BMPER: variants seen among roughly 807,000 people sequenced by gnomAD.
The protein encoded by BMPER is BMP binding endothelial regulator, also known as BMP-binding endothelial regulator protein.
BMPER carries 45 observed loss-of-function variants against 87.3 expected under a neutral mutation model. The observed-to-expected ratio is 0.52, with a 90% confidence interval of 0.41 to 0.66. The LOEUF (loss-of-function observed/expected upper bound fraction) is 0.66, where lower values mean the gene tolerates loss of function less well. Among genes scored for constraint, BMPER ranks in the 30% least tolerant of loss-of-function variants. The probability of loss-of-function intolerance (pLI) is 0.00; values close to 1 mark genes in which losing one functional copy is unlikely to be tolerated. For synonymous variants in BMPER, 326 were observed against 316.2 expected (o/e 1.03, Z -0.33); for missense variants, 784 against 867.5 (o/e 0.90, Z 1.21).
rs145355865 is a variant in BMPER, at chr7:33,937,032, C to T, written c.220-257C>T. ...GGGAGAGAACTTCTCCCTTGGCAAT[C>T]GGTTATCTAGGTGAAGCTGGCTTTG... On this transcript the variant is annotated intron_variant, in intron 2 of 14. Coordinates refer to ENST00000649409, the MANE Select transcript of BMPER (RefSeq NM_001365308.1). 3.3e-5 allele frequency among the ~76,000 whole-genome samples: 5 copies of T among 152,298 alleles called. No homozygotes were observed. The East Asian group carries it at 7.7e-4, about 24-fold the overall frequency.
At chr7:34,120,911 G>C (rs4720151) in intron 13 of BMPER, among the ~76,000 whole-genome samples, 1 of 151,830 alleles carries the variant, frequency 6.6e-6, no homozygotes, top group Non-Finnish European at 1.5e-5. Flanking sequence ...GTAAAATTCA[G>C]AATATCAAGG....
intron 11 of BMPER, among the ~76,000 whole-genome samples, chr7:34,068,882 A>G (rs1788663984): frequency 6.6e-6 from 1 of 152,194 alleles, no homozygotes; most frequent in African/African-American, 2.4e-5. Context: ...CAGCAGTACT[A>G]ACTGAATGAG....
In BMPER at chr7:34,125,751, T is replaced by C. The variant is rs187678443; in HGVS notation, c.1746-17479T>C. Among the ~76,000 whole-genome samples the C allele has an allele frequency of 3.3e-3, 510 of 152,324 alleles. 4 individuals carry two copies. The highest frequency in any genetic ancestry group is 0.012 in the African/African-American group (486 of 41,572). On this transcript the variant is annotated intron_variant, in intron 13 of 14. Coordinates refer to ENST00000649409, the MANE Select transcript of BMPER (RefSeq NM_001365308.1). Reference sequence around the variant, plus strand: ...CTTTGCAAGGCCCCAAGACATGTGTTGAATTATTCATTCAATATTCATTCA... The same window carrying C: ...CTTTGCAAGGCCCCAAGACATGTGTCGAATTATTCATTCAATATTCATTCA...
intron 3 of BMPER, among the ~76,000 whole-genome samples, chr7:33,940,224 T>A (rs1425442581): frequency 2.6e-5 from 4 of 152,230 alleles, no homozygotes; most frequent in African/African-American, 9.6e-5. Context: ...ATTGCATTAT[T>A]TATATTTTTT....
At chr7:34,011,608 A>AG (rs1350721825) in intron 6 of BMPER, among the ~76,000 whole-genome samples, 5 of 150,842 alleles carry the variant, frequency 3.3e-5, no homozygotes, top group Admixed American at 2.0e-4. Flanking sequence ...AAAAAAAGAA[A>AG]AAAAAAGAAA....
intron 7 of BMPER, 25 bp from the exon 8 acceptor site, chr7:34,051,836 A>C: frequency 1.3e-6 from 2 of 1,568,062 alleles, no homozygotes; most frequent in Non-Finnish European, 8.8e-7. Flanking sequence ...TGTCTTACTT[A>C]CACTGTGCTT....
chr7:34,016,262 C>T (rs993276499), intron 6 of BMPER, among the ~76,000 whole-genome samples: 7 of 151,896 alleles, frequency 4.6e-5, no homozygotes, highest in East Asian at 1.9e-4. Flanking sequence ...TCCTTTGATC[C>T]GTAGTAACTA....
At chr7:33,925,315 G>A (rs144169677) in intron 2 of BMPER, among the ~76,000 whole-genome samples, 2 of 152,028 alleles carry the variant, frequency 1.3e-5, no homozygotes, top group African/African-American at 2.4e-5. Context: ...TTGCTTTTTC[G>A]GTCATGATGA....
At chr7:33,989,933 C>T (rs992409385) in intron 6 of BMPER, among the ~76,000 whole-genome samples, 78 of 152,048 alleles carry the variant, frequency 5.1e-4, no homozygotes, top group South Asian at 4.2e-4. Context: ...TGTAGATATG[C>T]GGCGTTATTT....
intron 6 of BMPER, among the ~76,000 whole-genome samples, chr7:34,005,203 T>C (rs1786692308): frequency 6.6e-6 from 1 of 152,096 alleles, no homozygotes. Context: ...TAGGGAGCTC[T>C]GAATCCATTC....
intron 13 of BMPER, among the ~76,000 whole-genome samples, chr7:34,101,988 A>G (rs1789693150): frequency 6.6e-6 from 1 of 152,212 alleles, no homozygotes; most frequent in African/African-American, 2.4e-5. Context: ...CTAGTTGCCT[A>G]TGAAGAAAAC....
intron 13 of BMPER, among the ~76,000 whole-genome samples, chr7:34,141,200 T>A (rs1401829418): frequency 1.3e-5 from 2 of 148,922 alleles, no homozygotes; most frequent in Non-Finnish European, 3.0e-5. Context: ...TTGGCTTCTC[T>A]TTGGAATTCC....
intron 13 of BMPER, among the ~76,000 whole-genome samples, chr7:34,113,637 A>T (rs1790038675): frequency 1.3e-5 from 2 of 151,848 alleles, no homozygotes; most frequent in Non-Finnish European, 2.9e-5. Flanking sequence ...TAATAAGTTT[A>T]AAAAATTAAC....
Position 34,058,111 on chromosome 7 carries a change from G to C in BMPER, c.980G>C (p.Gly327Ala). 1 of 1,614,134 alleles carries C rather than the reference G, an allele frequency of 6.2e-7. No homozygotes were observed. Among genetic ancestry groups the C allele is most frequent in the South Asian group, 1.1e-5 (1 of 91,078 alleles). ...TGTACCATCTGTGCTTGTGTGAAAG[G>C]CAGGACGGAGTGTCGCAATAAGCAG... is the stretch of plus-strand genomic sequence containing the variant. ...INCTICACVK[G>A]RTECRNKQCI... is the part of the protein sequence containing the mutation. The change falls in exon 10 of 15, where the codon GGC (glycine) becomes GCC (alanine). Residue 327 changes from glycine to alanine, a missense_variant. Gly to Ala is a moderately conservative substitution (Grantham distance 60, BLOSUM62 0). Transcript: ENST00000649409.
In BMPER at chr7:33,937,323, C is replaced by G. The variant is rs142205105; in HGVS notation, c.254C>G (p.Pro85Arg). ...KEVTCKREKCPVLSRDCALAI... is the reference protein window; with the variant it reads ...KEVTCKREKCRVLSRDCALAI... ...GTGACATGTAAGAGAGAGAAGTGCC[C>G]CGTGCTGTCCCGAGACTGTGCCCTG... The change falls in exon 3 of 15, where the codon CCC becomes CGC. Residue 85 changes from proline to arginine, a missense_variant. Coordinates refer to ENST00000649409, the MANE Select transcript of BMPER (RefSeq NM_001365308.1). The G allele has an allele frequency of 1.9e-6, 3 of 1,614,034 alleles. No individual in the cohort carries two copies. In the African/African-American group the frequency reaches 4.0e-5, roughly 22 times the overall value.
At chr7:34,134,418 C>T (rs866561357) in intron 13 of BMPER, among the ~76,000 whole-genome samples, 1 of 152,100 alleles carries the variant, frequency 6.6e-6, no homozygotes, top group Non-Finnish European at 1.5e-5. Context: ...CTGGCCAGCT[C>T]CTGAGACCAT....
chr7:34,035,414 G>A (rs1445835625), intron 6 of BMPER, among the ~76,000 whole-genome samples: 1 of 152,172 alleles, frequency 6.6e-6, no homozygotes, highest in Non-Finnish European at 1.5e-5. Context: ...AAAGGATGCC[G>A]TGACTTCAAT....
At chr7:33,911,163 T>C (rs890217465) in intron 2 of BMPER, among the ~76,000 whole-genome samples, 2 of 152,244 alleles carry the variant, frequency 1.3e-5, no homozygotes, top group African/African-American at 4.8e-5. Flanking sequence ...TATTTATTTT[T>C]ACTCTGTTTA....
At chr7:33,939,934 T>C in intron 3 of BMPER, 1 of 277,284 alleles carries the variant, frequency 3.6e-6, no homozygotes. Context: ...TTTTCTCTCT[T>C]TCTACCTCGT....
Sources: gnomAD v4.1 joint callset for allele counts (sites outside exome capture counted in the v4.1 genomes callset) on GRCh38, gnomAD v4.1.1 for gene constraint, MANE v1.5 for transcripts, NCBI Gene and HGNC (gene_info 2026-07-23, HGNC 2026-07-21) for gene names.